The following ZC3H12B variants were observed in gnomAD, a reference collection of about 807,000 sequenced individuals.
ZC3H12B encodes the protein probable ribonuclease ZC3H12B.
ZC3H12B carries 7 observed loss-of-function variants against 43.9 expected under a neutral mutation model. The ratio of observed to expected loss-of-function variants is 0.16; its 90% confidence interval spans 0.09 to 0.30. The LOEUF (loss-of-function observed/expected upper bound fraction) is 0.30. ZC3H12B is among the 10% of genes least tolerant of loss of function. The probability of loss-of-function intolerance (pLI) is 1.00; values close to 1 mark genes in which losing one functional copy is unlikely to be tolerated. For missense variants in ZC3H12B, 475 were observed against 670.2 expected (o/e 0.71, Z 3.22); for synonymous variants, 222 against 241.7 (o/e 0.92, Z 0.76).
the ZC3H12B span, among the ~76,000 whole-genome samples, chrX:65,309,363 A>G: frequency 2.7e-5 from 3 of 112,172 alleles, no homozygotes; most frequent in African/African-American, 9.7e-5. Flanking sequence ...GAATATTATA[A>G]ACACATCTAC....
the ZC3H12B span, among the ~76,000 whole-genome samples, chrX:65,332,148 T>G: frequency 9.0e-6 from 1 of 110,691 alleles, no homozygotes; most frequent in Non-Finnish European, 1.9e-5. Context: ...TCTTACATAT[T>G]TCTCCCCTCC....
the ZC3H12B span, among the ~76,000 whole-genome samples, chrX:65,161,470 T>C: frequency 8.9e-6 from 1 of 111,955 alleles, no homozygotes; most frequent in Admixed American, 9.5e-5. Flanking sequence ...TATATATTAA[T>C]GATAGTTAGC....
At chrX:65,068,710 C>T in the ZC3H12B span, among the ~76,000 whole-genome samples, 1 of 111,459 alleles carries the variant, frequency 9.0e-6, no homozygotes, top group African/African-American at 3.3e-5. Context: ...TTAATATTAC[C>T]AGCAAATTTT....
At chrX:65,304,615 CAAA>C in the ZC3H12B span, among the ~76,000 whole-genome samples, 2 of 69,749 alleles carry the variant, frequency 2.9e-5, no homozygotes, top group African/African-American at 4.4e-5. Flanking sequence ...CACTCCGTCT[CAAA>C]AAAAAAAAAA....
chrX:65,299,455 G>T, the ZC3H12B span, among the ~76,000 whole-genome samples: 1 of 111,604 alleles, frequency 9.0e-6, no homozygotes, highest in Non-Finnish European at 1.9e-5. Context: ...ATTTATTCCA[G>T]GCATGCAAGG....
At chrX:65,482,067 A>G (rs758699279) in intron 3 of ZC3H12B, among the ~76,000 whole-genome samples, 3 of 111,987 alleles carry the variant, frequency 2.7e-5, no homozygotes, top group African/African-American at 3.2e-5. Flanking sequence ...GATGTACTCT[A>G]TTCCATACAT....
intron 3 of ZC3H12B, among the ~76,000 whole-genome samples, chrX:65,454,099 G>A (rs1360124986): frequency 8.9e-6 from 1 of 112,557 alleles, no homozygotes; most frequent in Non-Finnish European, 1.9e-5. Flanking sequence ...ATTTCCAAAT[G>A]AGGTACCAGG....
At chrX:65,153,400 C>T in the ZC3H12B span, among the ~76,000 whole-genome samples, 1 of 111,122 alleles carries the variant, frequency 9.0e-6, no homozygotes, top group African/African-American at 3.3e-5. Flanking sequence ...AAAAACAACC[C>T]CATCAAAAAG....
At chrX:65,189,872 C>A in the ZC3H12B span, among the ~76,000 whole-genome samples, 1 of 109,274 alleles carries the variant, frequency 9.2e-6, no homozygotes, top group Non-Finnish European at 1.9e-5. Flanking sequence ...AGTCCTTGCC[C>A]ATGCCTATGT....
intron 1 of ZC3H12B, 80 bp downstream of exon 6, chrX:65,489,489 A>G (rs913446788): frequency 1.9e-6 from 2 of 1,060,851 alleles, no homozygotes; most frequent in Non-Finnish European, 2.5e-6. Flanking sequence ...GCAAATCATT[A>G]TAAGAGGAGC....
Position 65,502,841 on chromosome X carries a change from G to A in ZC3H12B, c.2143G>A (p.Val715Met), listed in dbSNP as rs759811849. 22 of 1,208,742 alleles carry A rather than the reference G, an allele frequency of 1.8e-5. No individual in the cohort carries two copies. The highest frequency in any genetic ancestry group is 2.2e-5 in the Non-Finnish European group (20 of 894,712). The change falls in exon 5 of 5, where the codon GTG (valine) becomes ATG (methionine). Residue 715 changes from valine (V) to methionine (M), a missense_variant. Transcript: ENST00000338957. ...CTCCCGCCTCTATGAGAGCAACCCC[G>A]TGAGGCAAAGACGACCTCCCCTGTG...
the ZC3H12B span, among the ~76,000 whole-genome samples, chrX:65,159,157 G>A: frequency 8.9e-6 from 1 of 112,055 alleles, no homozygotes; most frequent in African/African-American, 3.2e-5. Context: ...CCAGTACCAT[G>A]CTGTTTTGGT....
chrX:65,477,201 T>A (rs917602160), intron 3 of ZC3H12B, among the ~76,000 whole-genome samples: 3 of 109,167 alleles, frequency 2.7e-5, no homozygotes, highest in Admixed American at 2.0e-4. Context: ...AGCAAGGGCA[T>A]GGAAGTCTCT....
At chrX:65,501,228 C>G (rs1399210601) in intron 4 of ZC3H12B, among the ~76,000 whole-genome samples, 1 of 105,578 alleles carries the variant, frequency 9.5e-6, no homozygotes, top group Admixed American at 1.0e-4. Context: ...ATTAAAACTG[C>G]TCAGCTTTAG....
the ZC3H12B span, among the ~76,000 whole-genome samples, chrX:65,113,166 G>A: frequency 5.4e-5 from 6 of 111,528 alleles, no homozygotes; most frequent in South Asian, 1.1e-3. Flanking sequence ...TAGAAGTGGA[G>A]CCTGAAGATG....
chrX:65,350,335 A>G, the ZC3H12B span, among the ~76,000 whole-genome samples: 2 of 111,956 alleles, frequency 1.8e-5, 1 homozygote, highest in Admixed American at 1.9e-4. Flanking sequence ...AATAGAATGT[A>G]TCTCAAAATA....
chrX:65,389,069 G>A (rs1056764929), intron 2 of ZC3H12B, among the ~76,000 whole-genome samples: 1 of 112,240 alleles, frequency 8.9e-6, no homozygotes, highest in African/African-American at 3.2e-5. Flanking sequence ...CTCCCAGTTA[G>A]GCTACTTGGG....
chrX:65,154,263 A>T, the ZC3H12B span, among the ~76,000 whole-genome samples: 1 of 111,517 alleles, frequency 9.0e-6, no homozygotes, highest in Non-Finnish European at 1.9e-5. Context: ...AATTAAAAAA[A>T]ATTTTCTCAT....
chrX:65,224,670 C>T, the ZC3H12B span, among the ~76,000 whole-genome samples: 1 of 112,099 alleles, frequency 8.9e-6, no homozygotes, highest in Non-Finnish European at 1.9e-5. Flanking sequence ...CACTCCCACC[C>T]TGATACTGCA....
Sources: gnomAD v4.1 joint callset for allele counts (sites outside exome capture counted in the v4.1 genomes callset) on GRCh38, gnomAD v4.1.1 for gene constraint, MANE v1.5 for transcripts, NCBI Gene and HGNC (gene_info 2026-07-23, HGNC 2026-07-21) for gene names.